The following SIM1 variants were observed in gnomAD, a reference collection of about 807,000 sequenced individuals.
SIM1 encodes the protein SIM bHLH transcription factor 1.
Under a neutral mutation model 78.2 loss-of-function variants are expected in SIM1, and 18 were observed. The ratio of observed to expected loss-of-function variants is 0.23; its 90% CI spans 0.16 to 0.34. SIM1 has a LOEUF of 0.34. SIM1 is among the 10% of genes least tolerant of loss of function. The pLI, the probability that SIM1 is intolerant of heterozygous loss-of-function variation, is 1.00. For missense variants in SIM1, 939 were observed against 975.1 expected (o/e 0.96, Z 0.49); for synonymous variants, 417 against 385.2 (o/e 1.08, Z -0.97).
rs1485989060 is a variant in SIM1, at chr6:100,449,586, C to T, written c.457+5G>A. 1.2e-6 allele frequency: 2 copies of T among 1,612,782 alleles called. No individual in the cohort carries two copies. The highest frequency in any genetic ancestry group is 2.2e-5 in the South Asian group (2 of 91,054). On this transcript the variant is annotated splice_donor_5th_base_variant and intron_variant, in intron 5 of 11. Transcript: ENST00000369208. The stretch of plus-strand genomic sequence containing the variant: ...CTGAGCGTCGCAGGCATGTGTCTAC[C>T]TTACCCTGCACGAAGTGAGAGTGGT...
chr6:100,385,681 G>C lies in SIM1; in HGVS notation c.*4680C>G, dbSNP rs1770502310. ...CATTTATTTATTTATGTGTGTGTGT[G>C]TGTGTGTGTGTGTGTGTGTGTGTGT... On this transcript the variant is annotated 3_prime_UTR_variant, in exon 12 of 12. Transcript: ENST00000369208. 1 of 147,336 alleles carries C rather than the reference G, an allele frequency of 6.8e-6. No homozygotes were observed. The highest frequency in any genetic ancestry group is 2.1e-4 in the South Asian group (1 of 4,704). 9.1% of individuals were successfully genotyped at this position (147,336 alleles called of 1,614,324 possible).
intron 10 of SIM1, among the ~76,000 whole-genome samples, chr6:100,412,606 AGAAAGGAAAGAAAGAAG>A (rs1771238364): frequency 8.5e-6 from 1 of 118,136 alleles, no homozygotes; most frequent in Non-Finnish European, 1.8e-5. Flanking sequence ...AAAGAAAGAA[AGAAAGGAAAGAAAGAAG>A]GAAAGAAAGA....
chr6:100,448,113 G>T (rs781309449), intron 8 of SIM1, 33 bp downstream of exon 8: 3 of 1,559,108 alleles, frequency 1.9e-6, no homozygotes, highest in African/African-American at 2.7e-5. Context: ...ATGCGCCAAG[G>T]TTGCTAGGGT....
At chr6:100,412,538 GA>G (rs1771217841) in intron 10 of SIM1, among the ~76,000 whole-genome samples, 9 of 67,696 alleles carry the variant, frequency 1.3e-4, no homozygotes, top group African/African-American at 5.2e-4. Flanking sequence ...CTCTGTCTAA[GA>G]AAGAAAGAAA....
chr6:100,416,575 G>T (rs1241198216), intron 10 of SIM1, among the ~76,000 whole-genome samples: 1 of 152,010 alleles, frequency 6.6e-6, no homozygotes, highest in African/African-American at 2.4e-5. Context: ...TAACAAAAAA[G>T]ACTGCCATCT....
intron 10 of SIM1, among the ~76,000 whole-genome samples, chr6:100,412,637 A>AAAGAAAGAAAG (rs1245667524): frequency 1.1e-5 from 1 of 91,652 alleles, no homozygotes; most frequent in African/African-American, 3.9e-5. Flanking sequence ...AGAAAGAAAG[A>AAAGAAAGAAAG]AAAGAAAGAA....
chr6:100,419,153 G>A (rs528409350), intron 10 of SIM1, among the ~76,000 whole-genome samples: 3 of 152,228 alleles, frequency 2.0e-5, no homozygotes, highest in South Asian at 2.1e-4. Context: ...GCAACAGTGC[G>A]AGACTCCATC....
At chr6:100,428,164 T>C (rs1432344032) in intron 9 of SIM1, among the ~76,000 whole-genome samples, 1 of 152,228 alleles carries the variant, frequency 6.6e-6, no homozygotes, top group East Asian at 1.9e-4. Flanking sequence ...CATGTTTTCC[T>C]GTTATGCACA....
At chr6:100,398,808 G>T (rs1770832118) in intron 10 of SIM1, among the ~76,000 whole-genome samples, 1 of 152,004 alleles carries the variant, frequency 6.6e-6, no homozygotes, top group South Asian at 2.1e-4. Context: ...TGCATCATAT[G>T]ATAATTCTAT....
intron 9 of SIM1, among the ~76,000 whole-genome samples, chr6:100,438,975 G>A (rs948272314): frequency 6.6e-6 from 1 of 152,070 alleles, no homozygotes; most frequent in Non-Finnish European, 1.5e-5. Context: ...GGTTGTGTGG[G>A]GTGAGGAATA....
intron 10 of SIM1, among the ~76,000 whole-genome samples, chr6:100,394,482 T>C (rs967417816): frequency 1.3e-5 from 2 of 152,306 alleles, no homozygotes; most frequent in Middle Eastern, 3.4e-3. Context: ...CATGGCTCAC[T>C]GCAGCCTCCA....
At chr6:100,392,834 G>C (rs1037126670) in intron 11 of SIM1, among the ~76,000 whole-genome samples, 2 of 152,186 alleles carry the variant, frequency 1.3e-5, no homozygotes, top group Non-Finnish European at 2.9e-5. Context: ...TGAACAAAGG[G>C]AAGCATTAGC....
At chr6:100,406,444 G>A (rs974591030) in intron 10 of SIM1, among the ~76,000 whole-genome samples, 1 of 152,114 alleles carries the variant, frequency 6.6e-6, no homozygotes, top group South Asian at 2.1e-4. Context: ...GAGTGTCCTA[G>A]AACTAGGCCA....
rs60325872 is a variant in SIM1, at chr6:100,417,348, G to A, written c.1167+3442C>T. 7.1e-3 allele frequency among the ~76,000 whole-genome samples: 1,086 copies of A among 152,196 alleles called. 7 individuals carry two copies. Among genetic ancestry groups the A allele is most frequent in the African/African-American group, 0.024 (1,011 of 41,516 alleles). ...TAATTTATGACTTCATCTGTACTGC[G>A]AAACTTAAGGATATTTCTTTTACCA... On this transcript the variant is annotated intron_variant, in intron 10 of 11. Transcript: ENST00000369208.
At chr6:100,393,928 C>T in intron 10 of SIM1, 39 bp from the exon 11 acceptor site, 2 of 1,511,402 alleles carry the variant, frequency 1.3e-6, no homozygotes, top group Non-Finnish European at 1.8e-6. Flanking sequence ...TTTCAAAAAT[C>T]AATCGATCAG....
In SIM1 at chr6:100,432,721, T is replaced by G. The variant is rs147357527; in HGVS notation, c.999-11763A>C. ...TCTATTAACACATACTCTCTGGGGA[T>G]CTCATCCACTCTGCTGACTTTAAAT... On this transcript the variant is annotated intron_variant, in intron 9 of 11. Coordinates refer to ENST00000369208, the MANE Select transcript of SIM1 (RefSeq NM_005068.3). Among the ~76,000 whole-genome samples the G allele has an allele frequency of 5.9e-5, 9 of 152,272 alleles. No homozygotes were observed. The East Asian group carries it at 1.7e-3, about 29-fold the overall frequency.
At position 100,387,278 on chromosome 6, in the gene SIM1, T is replaced by C. The variant is rs1031969353; in HGVS notation, c.*3083A>G. On this transcript the variant is annotated 3_prime_UTR_variant, in exon 12 of 12. Coordinates refer to ENST00000369208, the MANE Select transcript of SIM1 (RefSeq NM_005068.3). ...TGTTTCTCAACATTTGGCAAAGTTATGGAAATCAAGAATTAAAACTAAAGC... is the reference window on the plus strand; with the variant it reads ...TGTTTCTCAACATTTGGCAAAGTTACGGAAATCAAGAATTAAAACTAAAGC... 3.9e-5 allele frequency: 6 copies of C among 152,072 alleles called. 1 individual carries two copies. The South Asian group carries it at 1.2e-3, about 31-fold the overall frequency. 9.4% of individuals were successfully genotyped at this position (152,072 alleles called of 1,614,324 possible).
chr6:100,453,685 G>T, intron 3 of SIM1, 77 bp downstream of exon 3: 24 of 983,610 alleles, frequency 2.4e-5, no homozygotes, highest in African/African-American at 3.4e-5. Flanking sequence ...TGTTTTCTGA[G>T]AAACTAAAAG....
chr6:100,457,912 G>A (rs1019596494), intron 2 of SIM1, among the ~76,000 whole-genome samples: 7 of 152,214 alleles, frequency 4.6e-5, no homozygotes, highest in Non-Finnish European at 8.8e-5. Context: ...CTGATCCCGG[G>A]CCAGAGACAC....
Sources: allele counts gnomAD v4.1 joint callset (sites outside exome capture counted in the v4.1 genomes callset), GRCh38; gene constraint gnomAD v4.1.1; transcripts MANE v1.5; gene names NCBI Gene and HGNC (gene_info 2026-07-23, HGNC 2026-07-21).